Variants in TMEFF1 observed in about 807,000 individuals in gnomAD.
The protein encoded by TMEFF1 is transmembrane protein with EGF like and two follistatin like domains 1, also known as tomoregulin-1.
In TMEFF1, 20 loss-of-function variants were observed where a neutral mutation model predicts 47.5. The ratio of observed to expected loss-of-function variants is 0.42; its 90% CI spans 0.30 to 0.61. TMEFF1 has a LOEUF of 0.61. Ranked by LOEUF, TMEFF1 falls within the 20% of genes least tolerant of loss-of-function variation. The probability of loss-of-function intolerance (pLI) is 0.19; values close to 1 mark genes in which losing one functional copy is unlikely to be tolerated. For synonymous variants in TMEFF1, 162 were observed against 166.3 expected (o/e 0.97, Z 0.20); for missense variants, 411 against 471.1 (o/e 0.87, Z 1.18).
At chr9:100,560,982 CA>C (rs1214229367) in intron 7 of TMEFF1, among the ~76,000 whole-genome samples, 3 of 152,186 alleles carry the variant, frequency 2.0e-5, no homozygotes, top group Non-Finnish European at 4.4e-5. Flanking sequence ...TCTTTGGCCT[CA>C]ATTTCATAGC....
intron 7 of TMEFF1, among the ~76,000 whole-genome samples, chr9:100,556,734 T>C (rs1838922304): frequency 6.6e-6 from 1 of 152,216 alleles, no homozygotes. Flanking sequence ...CTGAGCTCAT[T>C]CACTTTCCAA....
At chr9:100,515,812 A>G (rs930824327) in intron 4 of TMEFF1, among the ~76,000 whole-genome samples, 1 of 146,928 alleles carries the variant, frequency 6.8e-6, no homozygotes, top group African/African-American at 2.5e-5. Flanking sequence ...ACAAACAAAC[A>G]AAAAAAAAAG....
chr9:100,478,305 A>G (rs1837272459), intron 1 of TMEFF1, among the ~76,000 whole-genome samples: 1 of 152,076 alleles, frequency 6.6e-6, no homozygotes, highest in Non-Finnish European at 1.5e-5. Flanking sequence ...CTTGTTCTCA[A>G]CAAGACTTTT....
At chr9:100,547,959 A>G (rs1838766176) in intron 6 of TMEFF1, 67 bp downstream of exon 6, 3 of 1,337,622 alleles carry the variant, frequency 2.2e-6, no homozygotes, top group African/African-American at 3.0e-5. Context: ...TTATTTGTAC[A>G]TTTGGTAGTG....
At chr9:100,557,499 A>G (rs1838935424) in intron 7 of TMEFF1, among the ~76,000 whole-genome samples, 1 of 152,102 alleles carries the variant, frequency 6.6e-6, no homozygotes, top group Non-Finnish European at 1.5e-5. Context: ...GCCAGTCTGA[A>G]TGTATCACTC....
At chr9:100,571,534 A>G (rs970489565) in intron 8 of TMEFF1, among the ~76,000 whole-genome samples, 1 of 152,134 alleles carries the variant, frequency 6.6e-6, no homozygotes, top group Non-Finnish European at 1.5e-5. Flanking sequence ...TGATTTAGCC[A>G]TTCCACAATG....
At chr9:100,477,618 G>GC (rs1837258935) in intron 1 of TMEFF1, among the ~76,000 whole-genome samples, 1 of 139,624 alleles carries the variant, frequency 7.2e-6, no homozygotes, top group Non-Finnish European at 1.5e-5. Flanking sequence ...TCTGCATTCC[G>GC]CCTTTTTTTT....
At chr9:100,485,118 A>G (rs1337431071) in intron 1 of TMEFF1, among the ~76,000 whole-genome samples, 1 of 152,164 alleles carries the variant, frequency 6.6e-6, no homozygotes. Flanking sequence ...GATGTATCAG[A>G]ATTTCATTCC....
chr9:100,533,086 T>C (rs1249136353), intron 5 of TMEFF1, among the ~76,000 whole-genome samples: 1 of 104,662 alleles, frequency 9.6e-6, no homozygotes, highest in East Asian at 3.2e-4. Context: ...TGGGGACTAT[T>C]GTGGGGTGGG....
intron 7 of TMEFF1, among the ~76,000 whole-genome samples, chr9:100,551,677 A>G (rs1587851893): frequency 6.6e-6 from 1 of 152,216 alleles, no homozygotes; most frequent in Non-Finnish European, 1.5e-5. Context: ...TTTAAATGAA[A>G]TTATCATAGT....
intron 8 of TMEFF1, among the ~76,000 whole-genome samples, chr9:100,568,529 GATTTT>G (rs757242842): frequency 7.9e-5 from 12 of 152,072 alleles, no homozygotes; most frequent in Non-Finnish European, 1.5e-4. Context: ...TGACTTGTTT[GATTTT>G]ATTTTATGGA....
chr9:100,477,879 G>A (rs146422383), intron 1 of TMEFF1, among the ~76,000 whole-genome samples: 116 of 152,080 alleles, frequency 7.6e-4, no homozygotes, highest in African/African-American at 2.5e-3. Context: ...CGCCTACCTC[G>A]GCCTTCCAAA....
In TMEFF1 at chr9:100,561,303, G is replaced by A. The variant is rs890776224; in HGVS notation, c.776-94G>A. The A allele has an allele frequency of 2.6e-6, 4 of 1,530,646 alleles. No individual in the cohort carries two copies. In the African/African-American group the frequency reaches 5.6e-5, roughly 21 times the overall value. 94.8% of individuals were successfully genotyped at this position (1,530,646 alleles called of 1,614,324 possible). On this transcript the variant is annotated intron_variant, in intron 7 of 9. Transcript: ENST00000374879. The stretch of plus-strand genomic sequence containing the variant: ...AAATTGCCAGTAGGTGGTTGACAGT[G>A]GGTGAATTCATTTGCTGTTTCAGAA...
At chr9:100,492,043 G>A (rs1360786326) in intron 1 of TMEFF1, among the ~76,000 whole-genome samples, 2 of 151,908 alleles carry the variant, frequency 1.3e-5, no homozygotes, top group Admixed American at 6.6e-5. Context: ...GTGCCACCAC[G>A]CCCAGCTAAT....
chr9:100,482,525 G>A (rs563149364), intron 1 of TMEFF1, among the ~76,000 whole-genome samples: 1 of 152,172 alleles, frequency 6.6e-6, no homozygotes, highest in South Asian at 2.1e-4. Flanking sequence ...TGGAGGTACT[G>A]TCAGCATTGG....
At chr9:100,563,673 C>G (rs868425094) in intron 8 of TMEFF1, among the ~76,000 whole-genome samples, 4 of 152,150 alleles carry the variant, frequency 2.6e-5, no homozygotes, top group Non-Finnish European at 5.9e-5. Flanking sequence ...GTAGTATGTA[C>G]TTAATGAATA....
chr9:100,557,547 GT>G (rs1194067865), intron 7 of TMEFF1, among the ~76,000 whole-genome samples: 1 of 152,230 alleles, frequency 6.6e-6, no homozygotes, highest in African/African-American at 2.4e-5. Flanking sequence ...AGAATGCCAT[GT>G]GCATTATACC....
rs899056658 is a variant in TMEFF1 at position 100,537,692 on chromosome 9, G to A, written c.561-10052G>A. On this transcript the variant is annotated intron_variant, in intron 5 of 9. Transcript: ENST00000374879. Reference sequence around the variant, plus strand: ...ATGGCATTCTTTCAATATTTGTTTAGATACAGAGATATTATGACTAAATGT... The same window carrying A: ...ATGGCATTCTTTCAATATTTGTTTAAATACAGAGATATTATGACTAAATGT... Among the ~76,000 whole-genome samples the A allele has an allele frequency of 7.2e-4, 109 of 152,082 alleles. 2 individuals are homozygous for A. The highest frequency in any genetic ancestry group is 6.9e-3 in the Admixed American group (106 of 15,262).
At chr9:100,492,802 TGAA>T (rs1164737913) in intron 1 of TMEFF1, among the ~76,000 whole-genome samples, 1 of 152,014 alleles carries the variant, frequency 6.6e-6, no homozygotes, top group Non-Finnish European at 1.5e-5. Flanking sequence ...GCTTTGACCT[TGAA>T]GAAGAAGAGT....
Sources: gnomAD v4.1 joint callset for allele counts (sites outside exome capture counted in the v4.1 genomes callset) on GRCh38, gnomAD v4.1.1 for gene constraint, MANE v1.5 for transcripts, NCBI Gene and HGNC (gene_info 2026-07-23, HGNC 2026-07-21) for gene names.